TBCE: variants seen among roughly 807,000 people sequenced by gnomAD.
TBCE encodes the protein tubulin-specific chaperone E.
A neutral mutation model predicts 77.0 loss-of-function variants in TBCE; 53 were observed. That is an observed-to-expected ratio of 0.69 (90% CI 0.55 to 0.87). TBCE has a LOEUF of 0.87. Ranked by LOEUF, TBCE falls within the 40% of genes least tolerant of loss-of-function variation. TBCE has a pLI of 0.00. For missense variants in TBCE, 624 were observed against 622.4 expected (o/e 1.00, Z -0.03); for synonymous variants, 235 against 241.3 (o/e 0.97, Z 0.24).
In TBCE at chr1:235,435,814, G is replaced by A. The variant is rs556066006; in HGVS notation, c.807G>A (p.Gln269=). 4 of 1,614,180 alleles carry A rather than the reference G, an allele frequency of 2.5e-6. No homozygotes were observed. The South Asian group carries it at 4.4e-5, about 18-fold the overall frequency. Residue 269 remains glutamine (Q), a synonymous_variant, in exon 9 of 17, where the codon CAG becomes CAA. Coordinates refer to ENST00000642610, the MANE Select transcript of TBCE (RefSeq NM_003193.5). ...LSSNQLIDEN[Q]LYLIAHLPRL... is the part of the protein sequence containing the mutation. ...CTAATCAATTAATTGATGAAAATCA[G>A]CTGTATCTGATAGCCCACCTGCCCA...
At chr1:235,424,447 C>G (rs553432543) in intron 5 of TBCE, among the ~76,000 whole-genome samples, 1 of 151,770 alleles carries the variant, frequency 6.6e-6, no homozygotes, top group South Asian at 2.1e-4. Flanking sequence ...GCCTCAGCCC[C>G]CTGAGTAGCT....
intron 4 of TBCE, among the ~76,000 whole-genome samples, chr1:235,416,406 G>C (rs1680118890): frequency 6.6e-6 from 1 of 151,884 alleles, no homozygotes; most frequent in Non-Finnish European, 1.5e-5. Flanking sequence ...CGTGCCTATA[G>C]TCCCAACTAT....
intron 12 of TBCE, among the ~76,000 whole-genome samples, chr1:235,438,374 C>A (rs375084152): frequency 1.3e-5 from 2 of 151,986 alleles, no homozygotes; most frequent in Non-Finnish European, 1.5e-5. Context: ...GGCGAAACCC[C>A]GTCTCTACTA....
At chr1:235,443,225 A>T (rs1682024387) in intron 15 of TBCE, among the ~76,000 whole-genome samples, 1 of 151,896 alleles carries the variant, frequency 6.6e-6, no homozygotes, top group African/African-American at 2.4e-5. Context: ...TTTTTGAGAC[A>T]GGGCCTCACT....
chr1:235,403,266 G>C (rs1330816600), intron 3 of TBCE, among the ~76,000 whole-genome samples: 1 of 152,108 alleles, frequency 6.6e-6, no homozygotes, highest in African/African-American at 2.4e-5. Context: ...GAGTGCAGTG[G>C]CGTGATCTTG....
intron 2 of TBCE, among the ~76,000 whole-genome samples, chr1:235,399,580 T>TG (rs1320172429): frequency 6.6e-6 from 1 of 152,232 alleles, no homozygotes; most frequent in Non-Finnish European, 1.5e-5. Flanking sequence ...TGAAGGTTCT[T>TG]GCATCCATGG....
chr1:235,406,760 G>A (rs1159117262), intron 3 of TBCE, among the ~76,000 whole-genome samples: 1 of 150,298 alleles, frequency 6.7e-6, no homozygotes, highest in Non-Finnish European at 1.5e-5. Context: ...TCGAACTCCT[G>A]AACTTTTGAT....
At chr1:235,423,239 C>T (rs1020796577) in intron 5 of TBCE, among the ~76,000 whole-genome samples, 3 of 152,172 alleles carry the variant, frequency 2.0e-5, no homozygotes, top group South Asian at 2.1e-4. Context: ...CCCTCATGAC[C>T]TGCGGAGGAG....
chr1:235,419,201 T>C (rs1442903538), intron 4 of TBCE: 2 of 510,518 alleles, frequency 3.9e-6, no homozygotes, highest in Non-Finnish European at 7.0e-6. Context: ...AACGAGACTC[T>C]GGCTAAAAAG....
intron 5 of TBCE, among the ~76,000 whole-genome samples, chr1:235,426,165 C>T (rs562876183): frequency 1.3e-5 from 2 of 152,300 alleles, no homozygotes; most frequent in African/African-American, 2.4e-5. Flanking sequence ...TCTTTCTCTG[C>T]GGGGACCTGG....
At chr1:235,369,373 G>A (rs1676757362) in intron 1 of TBCE, among the ~76,000 whole-genome samples, 1 of 151,966 alleles carries the variant, frequency 6.6e-6, no homozygotes, top group African/African-American at 2.4e-5. Flanking sequence ...CGGGCGTGGT[G>A]GTGCGTGCCT....
At chr1:235,410,865 G>A (rs1679745958) in intron 3 of TBCE, among the ~76,000 whole-genome samples, 1 of 152,178 alleles carries the variant, frequency 6.6e-6, no homozygotes, top group Non-Finnish European at 1.5e-5. Context: ...GAAAGCGTTG[G>A]TATGGCGAAG....
intron 2 of TBCE, among the ~76,000 whole-genome samples, chr1:235,388,824 C>G (rs1235946673): frequency 6.6e-6 from 1 of 152,304 alleles, no homozygotes; most frequent in South Asian, 2.1e-4. Flanking sequence ...CAAGGTTGGG[C>G]AGAGGGCTAA....
At chr1:235,428,397 TC>T (rs1287889553) in intron 6 of TBCE, among the ~76,000 whole-genome samples, 12 of 152,156 alleles carry the variant, frequency 7.9e-5, no homozygotes, top group Non-Finnish European at 1.5e-4. Context: ...GTCCCCTCTC[TC>T]TTACTAGAGA....
intron 2 of TBCE, among the ~76,000 whole-genome samples, chr1:235,392,408 T>TTC (rs1474343256): frequency 0.035 from 2,415 of 68,886 alleles, 130 homozygotes; most frequent in African/African-American, 0.064. Flanking sequence ...GAATTTTTTT[T>TTC]TTTTTTTTTT....
At chr1:235,377,286 T>C (rs1677356816) in intron 1 of TBCE, among the ~76,000 whole-genome samples, 1 of 152,184 alleles carries the variant, frequency 6.6e-6, no homozygotes, top group East Asian at 1.9e-4. Flanking sequence ...TTCAAGTGAT[T>C]CTCCTGCCTC....
At chr1:235,441,722 G>A (rs960774634) in intron 13 of TBCE, 92 bp from the exon 14 acceptor site, 10 of 1,198,526 alleles carry the variant, frequency 8.3e-6, no homozygotes, top group African/African-American at 3.0e-5. Flanking sequence ...AGGCTCTCTG[G>A]ACGCTTACCT....
intron 2 of TBCE, among the ~76,000 whole-genome samples, chr1:235,397,031 G>C (rs1320459992): frequency 6.6e-6 from 1 of 151,818 alleles, no homozygotes; most frequent in Non-Finnish European, 1.5e-5. Flanking sequence ...CTGGAGTGCA[G>C]TAGCGCCATC....
Position 235,419,497 on chromosome 1 carries a change from T to C in TBCE, c.396T>C (p.Val132=), listed in dbSNP as rs1680277367. The change falls in exon 5 of 17, where the codon GTT becomes GTC. Residue 132 remains valine, a synonymous_variant. Coordinates refer to ENST00000642610, the MANE Select transcript of TBCE (RefSeq NM_003193.5). ...QQSQLSKLQE[V]SLRNCAVSCA... is the part of the protein sequence containing the mutation. Reference sequence around the variant, plus strand: ...GTCAGCTGAGCAAGTTGCAAGAAGTTTCTCTGAGGAACTGTGCAGTAAGTT... The same window carrying C: ...GTCAGCTGAGCAAGTTGCAAGAAGTCTCTCTGAGGAACTGTGCAGTAAGTT... 1 of 1,614,014 alleles carries C rather than the reference T, an allele frequency of 6.2e-7. No homozygotes were observed. Among genetic ancestry groups the C allele is most frequent in the Admixed American group, 1.7e-5 (1 of 59,986 alleles).
Sources: gnomAD v4.1 joint callset for allele counts (sites outside exome capture counted in the v4.1 genomes callset) on GRCh38, gnomAD v4.1.1 for gene constraint, MANE v1.5 for transcripts, NCBI Gene and HGNC (gene_info 2026-07-23, HGNC 2026-07-21) for gene names.